Variants in PHLDB1 observed in about 807,000 individuals in gnomAD.
PHLDB1 encodes the protein pleckstrin homology like domain family B member 1, also known as pleckstrin homology-like domain family B member 1.
PHLDB1 carries 65 observed loss-of-function variants against 139.3 expected under a neutral mutation model. The observed-to-expected ratio is 0.47, with a 90% confidence interval of 0.38 to 0.57. PHLDB1 has a LOEUF of 0.57. Ranked by LOEUF, PHLDB1 falls within the 20% of genes least tolerant of loss-of-function variation. The pLI is 0.00. For synonymous variants in PHLDB1, 679 were observed against 734.5 expected, an observed-to-expected ratio of 0.92 and a Z score of 1.22; for missense variants, 1,624 against 1,839.7, an observed-to-expected ratio of 0.88 and a Z score of 2.14.
chr11:118,641,817 C>T (rs1555121078), intron 12 of PHLDB1: 2 of 1,272,104 alleles, frequency 1.6e-6, no homozygotes, highest in South Asian at 2.6e-5. Context: ...CTACCCCCAC[C>T]CATGACTGGT....
chr11:118,628,814 G>A (rs1944309559), intron 6 of PHLDB1, among the ~76,000 whole-genome samples, 164 bp downstream of exon 6: 1 of 152,246 alleles, frequency 6.6e-6, no homozygotes, highest in African/African-American at 2.4e-5. Flanking sequence ...TATGGTTCTG[G>A]TGCCGTGAAG....
chr11:118,631,147 C>T (rs1436654945), intron 6 of PHLDB1, 60 bp from the exon 7 acceptor site: 3 of 1,346,958 alleles, frequency 2.2e-6, no homozygotes, highest in East Asian at 2.8e-5. Context: ...GAACCTGGCT[C>T]TATCCCCACC....
chr11:118,607,848 C>G (rs1165919627), intron 1 of PHLDB1, 149 bp downstream of exon 1: 1 of 152,466 alleles, frequency 6.6e-6, no homozygotes, highest in African/African-American at 2.4e-5. Context: ...AGAGAGGGCA[C>G]CCCAGGTGAG....
At chr11:118,630,482 C>A (rs1475829764) in intron 6 of PHLDB1, among the ~76,000 whole-genome samples, 2 of 152,194 alleles carry the variant, frequency 1.3e-5, no homozygotes, top group Non-Finnish European at 2.9e-5. Context: ...ACAAAGAGGG[C>A]CGTGTCCTTG....
In PHLDB1 at chr11:118,645,986, C is replaced by T. The variant is rs1379525288; in HGVS notation, c.3507+161C>T. ...TTTAAAAGGTTGTATTCTGGCCGGG[C>T]GCGGTGGCTCATGCCCGTAATCCCA... On this transcript the variant is annotated intron_variant, in intron 17 of 22. Transcript: ENST00000600882. This position sits in a 1 kb window ranked among gnomAD's most constrained non-coding sequence, Gnocchi z 5.1. Among the ~76,000 whole-genome samples, 2 of 152,212 alleles carry T rather than the reference C, an allele frequency of 1.3e-5. No individual in the cohort carries two copies. Among genetic ancestry groups the T allele is most frequent in the African/African-American group, 4.8e-5 (2 of 41,536 alleles).
upstream of PHLDB1, chr11:118,607,558 G>A (rs1555079969): frequency 7.1e-6 from 1 of 140,184 alleles, no homozygotes; most frequent in East Asian, 2.4e-4. Flanking sequence ...ACTGGCGGGA[G>A]GGGGGCGGGA....
At chr11:118,609,657 C>G (rs1248319787) in intron 1 of PHLDB1, among the ~76,000 whole-genome samples, 1 of 152,238 alleles carries the variant, frequency 6.6e-6, no homozygotes, top group Non-Finnish European at 1.5e-5. Flanking sequence ...GGGGCCGCCC[C>G]GTTTCCCGGC....
rs1179555911 is a variant in PHLDB1 at position 118,610,399 on chromosome 11, C to G, written c.-22+2700C>G. 1 of 975,448 alleles carries G rather than the reference C, an allele frequency of 1.0e-6. No homozygotes were observed. Among genetic ancestry groups the G allele is most frequent in the Admixed American group, 6.1e-5 (1 of 16,266 alleles). 60.4% of individuals were successfully genotyped at this position (975,448 alleles called of 1,614,324 possible). A position where few individuals can be genotyped will look rare whatever the true frequency, so the allele number is the denominator to read the frequency against. On this transcript the variant is annotated intron_variant, in intron 1 of 22. Coordinates refer to ENST00000600882, the MANE Select transcript of PHLDB1 (RefSeq NM_001144758.3). This position sits in a 1 kb window ranked among gnomAD's most constrained non-coding sequence, Gnocchi z 8.7. ...CTCCTTCCTCTGACGGCGGCCCTTTCTCGAGGGCGGATGTGCGCCTGGAGG... is the reference window on the plus strand; with the variant it reads ...CTCCTTCCTCTGACGGCGGCCCTTTGTCGAGGGCGGATGTGCGCCTGGAGG...
intron 10 of PHLDB1, chr11:118,637,298 A>G (rs1224803069): frequency 1.3e-5 from 2 of 152,250 alleles, no homozygotes; most frequent in African/African-American, 4.8e-5. Flanking sequence ...GGTTCTTAGT[A>G]GATGGCAGCT....
Position 118,632,215 on chromosome 11 carries a change from G to A in PHLDB1, c.2298G>A (p.Leu766=). 6.2e-7 allele frequency: 1 copy of A among 1,614,080 alleles called. No homozygotes were observed. Among genetic ancestry groups the A allele is most frequent in the South Asian group, 1.1e-5 (1 of 91,078 alleles). Residue 766 remains leucine (L), a synonymous_variant, in exon 9 of 23, where the codon CTG becomes CTA. Coordinates refer to ENST00000600882, the MANE Select transcript of PHLDB1 (RefSeq NM_001144758.3). The surrounding 1 kb of genome is among the most constrained non-coding windows in gnomAD (Gnocchi z 5.9). ...QGEREAERAL[L]QKEQKAVDQL... ...AGAGGGAGGCAGAGCGGGCACTGCT[G>A]CAGAAGGAGCAGAAGGCAGTGGATC...
chr11:118,628,985 A>C (rs1192730733), intron 6 of PHLDB1, among the ~76,000 whole-genome samples: 2 of 152,218 alleles, frequency 1.3e-5, no homozygotes, highest in African/African-American at 4.8e-5. Flanking sequence ...TAAGACCTCG[A>C]ACCTCCCAGT....
Position 118,628,256 on chromosome 11 carries a change from C to T in PHLDB1, c.1433C>T (p.Pro478Leu). 6.2e-7 allele frequency: 1 copy of T among 1,614,156 alleles called. No homozygotes were observed. Among genetic ancestry groups the T allele is most frequent in the Non-Finnish European group, 8.5e-7 (1 of 1,180,028 alleles). ...ALSPLPTRTTPDPKLNREVAE... is the reference protein window; with the variant it reads ...ALSPLPTRTTLDPKLNREVAE... ...TCCCCGCTGCCCACCCGGACCACCC[C>T]AGATCCCAAGCTAAACAGGGAAGTG... is the stretch of plus-strand genomic sequence containing the variant. Residue 478 changes from proline (P) to leucine (L), a missense_variant, in exon 6 of 23, where the codon CCA (proline) becomes CTA (leucine). By Grantham distance (98) the Pro-to-Leu change is moderately conservative. Transcript: ENST00000600882.
In PHLDB1 at chr11:118,628,074, A is replaced by G. The variant is rs967600813; in HGVS notation, c.1251A>G (p.Thr417=). The change falls in exon 6 of 23, where the codon ACA becomes ACG. Residue 417 remains threonine (T), a synonymous_variant. Coordinates refer to ENST00000600882, the MANE Select transcript of PHLDB1 (RefSeq NM_001144758.3). The stretch of plus-strand genomic sequence containing the variant: ...CTCCAGGCAGTGAGCGGGTGCTAAC[A>G]ACCAGCCCCTCACGCCAACTGGTGG... ...REPPGSERVL[T]TSPSRQLVGR... The G allele has an allele frequency of 1.2e-6, 2 of 1,613,784 alleles. No homozygotes were observed. The highest frequency in any genetic ancestry group is 2.7e-5 in the African/African-American group (2 of 74,882).
In PHLDB1 at chr11:118,635,559, C is replaced by G; in HGVS notation, c.2535+11C>G. On this transcript the variant is annotated intron_variant, in intron 10 of 22. Coordinates refer to ENST00000600882, the MANE Select transcript of PHLDB1 (RefSeq NM_001144758.3). ...ATCGCCAAGAGGAAGGTGTGCCCCA[C>G]CTCGTTCCCTGCTGCGTGCTGTTGG... The G allele has an allele frequency of 6.6e-7, 1 of 1,512,844 alleles. No homozygotes were observed. Among genetic ancestry groups the G allele is most frequent in the South Asian group, 1.3e-5 (1 of 75,542 alleles). 93.7% of individuals were successfully genotyped at this position (1,512,844 alleles called of 1,614,324 possible).
At position 118,627,846 on chromosome 11, in the gene PHLDB1, G is replaced by T; in HGVS notation, c.1023G>T (p.Ala341=). The T allele has an allele frequency of 6.2e-7, 1 of 1,607,486 alleles. No individual in the cohort carries two copies. The highest frequency in any genetic ancestry group is 8.5e-7 in the Non-Finnish European group (1 of 1,179,806). ...ACAGCCCTGCAGCTACTGTCTTGGC[G>T]GAGGCCCGGAGAGCCACTGAGAGCC... The part of the protein sequence containing the change: ...LTDSPAATVL[A]EARRATESPR... The change falls in exon 6 of 23, where the codon GCG becomes GCT. Residue 341 remains alanine, a synonymous_variant. Coordinates refer to ENST00000600882, the MANE Select transcript of PHLDB1 (RefSeq NM_001144758.3).
chr11:118,639,186 G>A lies in PHLDB1; in HGVS notation c.2671G>A (p.Glu891Lys), dbSNP rs923081113. ...QKEKEKLTVL[E>K]RRYHSLTGGR... ...GGAGAAGGAGAAGCTGACTGTGCTG[G>A]AAAGGAGATACCACTCACTCACAGG... Residue 891 changes from glutamate to lysine, a missense_variant, in exon 12 of 23, where the codon GAA becomes AAA. By Grantham distance (56) the Glu-to-Lys change is moderately conservative. Coordinates refer to ENST00000600882, the MANE Select transcript of PHLDB1 (RefSeq NM_001144758.3). 1.8e-5 allele frequency: 29 copies of A among 1,614,018 alleles called. No individual in the cohort carries two copies. Among genetic ancestry groups the A allele is most frequent in the Non-Finnish European group, 2.3e-5 (27 of 1,179,988 alleles).
Position 118,650,441 on chromosome 11 carries a change from C to T in PHLDB1, c.3772-4C>T, listed in dbSNP as rs1591771440. On this transcript the variant is annotated splice_polypyrimidine_tract_variant and splice_region_variant and intron_variant, in intron 19 of 22. Coordinates refer to ENST00000600882, the MANE Select transcript of PHLDB1 (RefSeq NM_001144758.3). The surrounding 1 kb of genome is among the most constrained non-coding windows in gnomAD (Gnocchi z 4.7). Reference sequence around the variant, plus strand: ...GGTCCTTCCTTACTCCTGCTTCCTACCAGGTCTGCCGTGGCTACTTGGTCA... The same window carrying T: ...GGTCCTTCCTTACTCCTGCTTCCTATCAGGTCTGCCGTGGCTACTTGGTCA... The T allele has an allele frequency of 3.1e-6, 5 of 1,606,182 alleles. No individual in the cohort carries two copies. Among genetic ancestry groups the T allele is most frequent in the Middle Eastern group, 1.7e-4 (1 of 6,044 alleles).
intron 7 of PHLDB1, 87 bp from the exon 8 acceptor site, chr11:118,631,826 G>T: frequency 5.6e-6 from 8 of 1,433,888 alleles, no homozygotes; most frequent in Non-Finnish European, 7.5e-6. Flanking sequence ...TCCTCAGCAA[G>T]TGCCTGGAGG....
chr11:118,639,633 T>C (rs1946201966), intron 12 of PHLDB1: 1 of 267,406 alleles, frequency 3.7e-6, no homozygotes, highest in Non-Finnish European at 7.1e-6. Flanking sequence ...TGGGCTTCAG[T>C]CCTGAGTTAG....
Sources: allele counts gnomAD v4.1 joint callset (sites outside exome capture counted in the v4.1 genomes callset), GRCh38; gene constraint gnomAD v4.1.1; non-coding constraint Gnocchi (gnomAD v3.1); transcripts MANE v1.5; gene names NCBI Gene and HGNC (gene_info 2026-07-23, HGNC 2026-07-21).